The following RB1 variants were observed in gnomAD, a reference collection of about 807,000 sequenced individuals.
RB1 encodes the protein retinoblastoma-associated protein.
Under a neutral mutation model 135.4 loss-of-function variants are expected in RB1, and 18 were observed. The observed-to-expected ratio is 0.13, with a 90% confidence interval of 0.09 to 0.20. The LOEUF (loss-of-function observed/expected upper bound fraction) is 0.20. Among genes scored for constraint, RB1 ranks in the 10% least tolerant of loss-of-function variants. The pLI, the probability that RB1 is intolerant of heterozygous loss-of-function variation, is 1.00. For missense variants in RB1, 868 were observed against 1,110.0 expected, an observed-to-expected ratio of 0.78 and a Z score of 3.10; for synonymous variants, 365 against 373.2, an observed-to-expected ratio of 0.98 and a Z score of 0.25.
At chr13:48,306,148 T>A (rs1952078383) in intron 1 of RB1, among the ~76,000 whole-genome samples, 1 of 152,184 alleles carries the variant, frequency 6.6e-6, no homozygotes, top group Non-Finnish European at 1.5e-5. Flanking sequence ...CTCACGCCTG[T>A]AATGCCAGCA....
chr13:48,350,944 G>C (rs907886150), intron 6 of RB1, among the ~76,000 whole-genome samples: 2 of 152,128 alleles, frequency 1.3e-5, no homozygotes, highest in Non-Finnish European at 2.9e-5. Flanking sequence ...GAATTCCATG[G>C]TATATATGTA....
In RB1 at chr13:48,376,887, C is replaced by T. The variant is rs529123571; in HGVS notation, c.1216-31C>T. ...ATTAATTCTGATTACACAGTATCCT[C>T]GACATTGATTTCTGTTTTTACCTCC... On this transcript the variant is annotated intron_variant, in intron 12 of 26. Coordinates refer to ENST00000267163, the MANE Select transcript of RB1 (RefSeq NM_000321.3). 40 of 1,612,266 alleles carry T rather than the reference C, an allele frequency of 2.5e-5. No individual in the cohort carries two copies. In the Admixed American group the frequency reaches 3.8e-4, roughly 15 times the overall value.
intron 2 of RB1, among the ~76,000 whole-genome samples, chr13:48,314,878 T>C (rs1203894963): frequency 6.6e-6 from 1 of 152,190 alleles, no homozygotes; most frequent in African/African-American, 2.4e-5. Context: ...GTATATTAGA[T>C]CTCTGGACTT....
chr13:48,323,522 C>G (rs778742062), intron 2 of RB1, among the ~76,000 whole-genome samples: 10 of 151,672 alleles, frequency 6.6e-5, no homozygotes, highest in Non-Finnish European at 2.9e-5. Context: ...AAATTTTGAT[C>G]AAACGATTTT....
intron 1 of RB1, among the ~76,000 whole-genome samples, chr13:48,306,677 A>G (rs1952083533): frequency 6.6e-6 from 1 of 152,250 alleles, no homozygotes; most frequent in Non-Finnish European, 1.5e-5. Context: ...ACAGGATCAT[A>G]GTAAATACTC....
At chr13:48,337,845 T>G (rs1409954897) in intron 2 of RB1, among the ~76,000 whole-genome samples, 1 of 152,234 alleles carries the variant, frequency 6.6e-6, no homozygotes, top group African/African-American at 2.4e-5. Flanking sequence ...GTTTAGTGCT[T>G]CCTTCAGGAG....
At chr13:48,316,456 C>T (rs1474887280) in intron 2 of RB1, among the ~76,000 whole-genome samples, 2 of 151,994 alleles carry the variant, frequency 1.3e-5, no homozygotes, top group South Asian at 2.1e-4. Context: ...AACTTGGCTG[C>T]GATGATAAGA....
chr13:48,368,941 G>T (rs1219414021), intron 11 of RB1, among the ~76,000 whole-genome samples: 1 of 152,112 alleles, frequency 6.6e-6, no homozygotes, highest in African/African-American at 2.4e-5. Flanking sequence ...GGGAGGCGGA[G>T]GTTGCAGAGA....
intron 2 of RB1, chr13:48,328,392 A>G: frequency 1.3e-6 from 2 of 1,510,102 alleles, no homozygotes; most frequent in Non-Finnish European, 1.8e-6. Flanking sequence ...CTGACTACCT[A>G]TGGCAAATCC....
rs188484933 is a variant in RB1, at chr13:48,315,391, A to G, written c.264+7985A>G. 4.1e-4 allele frequency among the ~76,000 whole-genome samples: 62 copies of G among 152,310 alleles called. No homozygotes were observed. In the Middle Eastern group the frequency reaches 0.01, roughly 25 times the overall value. On this transcript the variant is annotated intron_variant, in intron 2 of 26. Coordinates refer to ENST00000267163, the MANE Select transcript of RB1 (RefSeq NM_000321.3). ...TTTTGTACATTGATTTTATATCCTG[A>G]AACTTTGCTTATCAGCTGAAGGAAC...
intron 19 of RB1, among the ~76,000 whole-genome samples, chr13:48,458,098 G>T (rs766966133): frequency 1.9e-4 from 29 of 152,240 alleles, no homozygotes; most frequent in Non-Finnish European, 2.6e-4. Flanking sequence ...CAACTCGGAA[G>T]GGGCGGGGTT....
chr13:48,367,721 C>CA, intron 10 of RB1, 118 bp downstream of exon 10: 3 of 1,201,610 alleles, frequency 2.5e-6, no homozygotes, highest in Non-Finnish European at 3.4e-6. Context: ...AAATTACTTT[C>CA]AAATGTCTTT....
chr13:48,422,391 G>A (rs1439705190), intron 17 of RB1, among the ~76,000 whole-genome samples: 5 of 152,136 alleles, frequency 3.3e-5, no homozygotes, highest in African/African-American at 1.2e-4. Context: ...AGGAGGGATA[G>A]CATTAAGAGA....
At chr13:48,361,463 C>T (rs1199767561) in intron 7 of RB1, among the ~76,000 whole-genome samples, 9 of 152,070 alleles carry the variant, frequency 5.9e-5, no homozygotes, top group Non-Finnish European at 2.9e-5. Flanking sequence ...GCTCAGTTCC[C>T]CCAGCTGTAT....
rs376465035 is a variant in RB1 at position 48,463,850 on chromosome 13, A to C, written c.2211+15A>C. On this transcript the variant is annotated intron_variant, in intron 21 of 26. Coordinates refer to ENST00000267163, the MANE Select transcript of RB1 (RefSeq NM_000321.3). ...CTGTTCAGGAGGTAGGTAATTTTCC[A>C]TAGTAAGTTTTTTTGATAAATCCAT... 6.6e-7 allele frequency: 1 copy of C among 1,512,132 alleles called. No homozygotes were observed. Among genetic ancestry groups the C allele is most frequent in the South Asian group, 1.1e-5 (1 of 88,838 alleles). 93.7% of individuals were successfully genotyped at this position (1,512,132 alleles called of 1,614,324 possible). A position where few individuals can be genotyped will look rare whatever the true frequency, so the allele number is the denominator to read the frequency against.
At chr13:48,352,911 A>G (rs535172593) in intron 6 of RB1, among the ~76,000 whole-genome samples, 1 of 152,276 alleles carries the variant, frequency 6.6e-6, no homozygotes, top group East Asian at 1.9e-4. Context: ...GTGGTGAAAA[A>G]GGGCATCCTT....
chr13:48,454,971 G>A (rs1410567857), intron 18 of RB1, among the ~76,000 whole-genome samples: 10 of 152,184 alleles, frequency 6.6e-5, no homozygotes, highest in African/African-American at 2.4e-4. Context: ...GCTGCTATCT[G>A]AAGTACAGGT....
chr13:48,317,874 C>G, intron 2 of RB1: 1 of 399,888 alleles, frequency 2.5e-6, no homozygotes, highest in Non-Finnish European at 4.8e-6. Flanking sequence ...GCAACTCTGG[C>G]CTGAATGAGC....
rs1339345088 is a variant in RB1, at chr13:48,435,239, AT to A, written c.1696-17748del. 5.9e-5 allele frequency among the ~76,000 whole-genome samples: 9 copies of A among 152,088 alleles called. No homozygotes were observed. In the East Asian group the frequency reaches 1.7e-3, roughly 29 times the overall value. On this transcript the variant is annotated intron_variant, in intron 17 of 26. Transcript: ENST00000267163. The stretch of plus-strand genomic sequence containing the variant: ...CTTTCCATCATTTGGTGATGTCTTT[AT>A]TTTTTATTTTAGTCATTCTGATAGT...
Sources: allele counts gnomAD v4.1 joint callset (sites outside exome capture counted in the v4.1 genomes callset), GRCh38; gene constraint gnomAD v4.1.1; transcripts MANE v1.5; gene names NCBI Gene and HGNC (gene_info 2026-07-23, HGNC 2026-07-21).